The following USP7 variants were observed in gnomAD, a reference collection of about 807,000 sequenced individuals.
USP7 encodes ubiquitin C-terminal hydrolase 7.
USP7 carries 9 observed loss-of-function variants against 162.9 expected under a neutral mutation model. That is an observed-to-expected ratio of 0.06 (90% CI 0.03 to 0.10). The LOEUF is 0.10. USP7 is among the 10% of genes least tolerant of loss of function. The pLI, the probability that USP7 is intolerant of heterozygous loss-of-function variation, is 1.00. For missense variants in USP7, 715 were observed against 1,373.7 expected (o/e 0.52, Z 7.58); for synonymous variants, 562 against 475.9 (o/e 1.18, Z -2.35).
intron 30 of USP7, 124 bp downstream of exon 30, chr16:8,894,426 C>T: frequency 1.1e-6 from 1 of 888,680 alleles, no homozygotes; most frequent in Non-Finnish European, 1.7e-6. Flanking sequence ...CTCCTGGTTC[C>T]ACAGGTCGGC....
chr16:8,962,424 A>G (rs1427130109), intron 1 of USP7: 3 of 424,140 alleles, frequency 7.1e-6, no homozygotes, highest in African/African-American at 2.0e-5. Context: ...TCTATACCTC[A>G]AACTACAGTG....
chr16:8,955,719 A>AC (rs1567249495), intron 1 of USP7, among the ~76,000 whole-genome samples: 9 of 131,720 alleles, frequency 6.8e-5, no homozygotes, highest in African/African-American at 2.5e-4. Flanking sequence ...AAAAAAAAAA[A>AC]AAAAAAACAT....
At chr16:8,960,886 G>A (rs1195981149) in intron 1 of USP7, among the ~76,000 whole-genome samples, 2 of 152,114 alleles carry the variant, frequency 1.3e-5, no homozygotes, top group Non-Finnish European at 2.9e-5. Flanking sequence ...GTACTCACAG[G>A]GCACTATTAT....
intron 1 of USP7, among the ~76,000 whole-genome samples, chr16:8,938,666 G>C (rs1055876963): frequency 1.3e-5 from 2 of 150,386 alleles, no homozygotes; most frequent in African/African-American, 4.9e-5. Context: ...AGCGGAGATC[G>C]CACCACTGCA....
chr16:8,916,612 T>C (rs531315775), intron 7 of USP7, 56 bp from the exon 8 acceptor site: 280 of 1,530,380 alleles, frequency 1.8e-4, no homozygotes, highest in Non-Finnish European at 2.4e-4. Flanking sequence ...AATGAGCAAA[T>C]TAAAAGTAAC....
At chr16:8,941,242 T>C (rs1417155350) in intron 1 of USP7, among the ~76,000 whole-genome samples, 3 of 152,100 alleles carry the variant, frequency 2.0e-5, no homozygotes, top group African/African-American at 4.8e-5. Flanking sequence ...TTCCAGAACA[T>C]GAACCTAAGT....
intron 1 of USP7, among the ~76,000 whole-genome samples, chr16:8,952,612 C>T (rs1232101173): frequency 6.6e-6 from 1 of 152,094 alleles, no homozygotes; most frequent in Non-Finnish European, 1.5e-5. Context: ...CCACCTGGGG[C>T]ATGCAGGCCC....
intron 1 of USP7, among the ~76,000 whole-genome samples, chr16:8,947,796 C>G (rs979733954): frequency 1.3e-5 from 2 of 152,214 alleles, no homozygotes; most frequent in African/African-American, 2.4e-5. Context: ...GTGGGACTGC[C>G]TGATGGGTTT....
chr16:8,933,406 A>G (rs1898487957), intron 1 of USP7, among the ~76,000 whole-genome samples: 1 of 152,214 alleles, frequency 6.6e-6, no homozygotes, highest in Admixed American at 6.5e-5. Context: ...AAATTCAGGT[A>G]CCAAGCGATA....
intron 1 of USP7, among the ~76,000 whole-genome samples, chr16:8,941,821 A>G (rs550939923): frequency 6.6e-6 from 1 of 152,298 alleles, no homozygotes; most frequent in Admixed American, 6.5e-5. Flanking sequence ...TCTCTGACAG[A>G]TGGGCTGGGC....
rs113025474 is a variant in USP7 at position 8,923,756 on chromosome 16, C to T, written c.185-343G>A. ...GTGGAGAGACCTTGGAGAGAAGGAACGACATGGCTCATATCTGTTCAAGGA... is the reference window on the plus strand; with the variant it reads ...GTGGAGAGACCTTGGAGAGAAGGAATGACATGGCTCATATCTGTTCAAGGA... On this transcript the variant is annotated intron_variant, in intron 2 of 30. Transcript: ENST00000344836. Among the ~76,000 whole-genome samples, 253 of 152,262 alleles carry T rather than the reference C, an allele frequency of 1.7e-3. 1 individual carries two copies. Among genetic ancestry groups the T allele is most frequent in the African/African-American group, 4.8e-3 (200 of 41,562 alleles).
At chr16:8,955,768 T>TC (rs1473372551) in intron 1 of USP7, among the ~76,000 whole-genome samples, 1 of 151,354 alleles carries the variant, frequency 6.6e-6, no homozygotes, top group Non-Finnish European at 1.5e-5. Flanking sequence ...TATAATTTAT[T>TC]CCCCAAAGTC....
rs575192061 is a variant in USP7 at position 8,899,895 on chromosome 16, G to A, written c.2310-138C>T. The A allele has an allele frequency of 4.8e-5, 50 of 1,038,636 alleles. No homozygotes were observed. In the African/African-American group the frequency reaches 7.0e-4, roughly 15 times the overall value. 64.3% of individuals were successfully genotyped at this position (1,038,636 alleles called of 1,614,324 possible). A position where few individuals can be genotyped will look rare whatever the true frequency, so the allele number is the denominator to read the frequency against. On this transcript the variant is annotated intron_variant, in intron 21 of 30. Transcript: ENST00000344836. ...TAAATTCAGGTTCCCCTTTGAGGGGGCCAGGCATCTGCCTGAGCTCCCTCT... is the reference window on the plus strand; with the variant it reads ...TAAATTCAGGTTCCCCTTTGAGGGGACCAGGCATCTGCCTGAGCTCCCTCT...
Position 8,938,627 on chromosome 16 carries a change from G to A in USP7, c.80-8230C>T, listed in dbSNP as rs146663534. On this transcript the variant is annotated intron_variant, in intron 1 of 30. Transcript: ENST00000344836. ...CTCCGGAGGCTGAGGCAGGAGAATGGCATGAACCTGGGAAGCAGAGTTGCA... is the reference window on the plus strand; with the variant it reads ...CTCCGGAGGCTGAGGCAGGAGAATGACATGAACCTGGGAAGCAGAGTTGCA... Among the ~76,000 whole-genome samples, 698 of 151,878 alleles carry A rather than the reference G, an allele frequency of 4.6e-3. 9 individuals carry two copies. The highest frequency in any genetic ancestry group is 0.016 in the African/African-American group (648 of 41,348).
intron 29 of USP7, 24 bp from the exon 30 acceptor site, chr16:8,894,664 C>T (rs1281671127): frequency 1.9e-6 from 3 of 1,611,614 alleles, no homozygotes; most frequent in African/African-American, 1.3e-5. Flanking sequence ...AATTAAAACT[C>T]CTCCGTTATT....
chr16:8,895,213 T>C, intron 27 of USP7, 63 bp from the exon 28 acceptor site: 4 of 1,610,786 alleles, frequency 2.5e-6, no homozygotes, highest in Non-Finnish European at 3.4e-6. Flanking sequence ...AGTGTCCACA[T>C]CTCAATTCTC....
In USP7 at chr16:8,903,396, C is replaced by T. The variant is rs767573729; in HGVS notation, c.1711G>A (p.Ala571Thr). The change falls in exon 16 of 31, where the codon GCA (alanine) becomes ACA (threonine). Residue 571 changes from alanine (A) to threonine (T), a missense_variant. Ala to Thr is a moderately conservative substitution (Grantham distance 58, BLOSUM62 0). Around this residue, in one of 11 missense-constraint regions of USP7, gnomAD observed 197 missense variants for 306.5 expected, o/e 0.64. Coordinates refer to ENST00000344836, the MANE Select transcript of USP7 (RefSeq NM_003470.3). ...AHLYMQVQIV[A>T]EDQFCGHQGN... ...TGGTGGCCACAAAACTGGTCCTCTGCGACTATCTGAAAATATGTATGAAAG... is the reference window on the plus strand; with the variant it reads ...TGGTGGCCACAAAACTGGTCCTCTGTGACTATCTGAAAATATGTATGAAAG... 13 of 1,613,208 alleles carry T rather than the reference C, an allele frequency of 8.1e-6. No individual in the cohort carries two copies. Among genetic ancestry groups the T allele is most frequent in the African/African-American group, 6.7e-5 (5 of 74,874 alleles).
At chr16:8,901,373 T>C (rs1025234227) in intron 18 of USP7, 139 bp from the exon 19 acceptor site, 1 of 648,814 alleles carries the variant, frequency 1.5e-6, no homozygotes, top group African/African-American at 1.8e-5. Flanking sequence ...AATGACAGCT[T>C]AAGGTACCTA....
rs1343926478 is a variant in USP7 at position 8,915,319 on chromosome 16, T to C, written c.1013A>G (p.Asp338Gly). The change falls in exon 10 of 31, where the codon GAC (aspartate) becomes GGC (glycine). Residue 338 changes from aspartate to glycine, a missense_variant. Physicochemically the swap from Asp to Gly is moderately conservative, Grantham distance 94. Transcript: ENST00000344836. ...ATCTTCTCTTCTATCAGACCGATAGTCTACTTCTTTACACTGGATATAGGA... is the reference window on the plus strand; with the variant it reads ...ATCTTCTCTTCTATCAGACCGATAGCCTACTTCTTTACACTGGATATAGGA... Reference protein sequence around the residue: ...MVSYIQCKEVDYRSDRREDYY... With the variant: ...MVSYIQCKEVGYRSDRREDYY... 6.2e-7 allele frequency: 1 copy of C among 1,613,204 alleles called. No individual in the cohort carries two copies. Among genetic ancestry groups the C allele is most frequent in the Non-Finnish European group, 8.5e-7 (1 of 1,179,798 alleles).
Sources: gnomAD v4.1 joint callset for allele counts (sites outside exome capture counted in the v4.1 genomes callset) on GRCh38, gnomAD v4.1.1 for gene constraint, gnomAD v4.1.1 regional missense constraint, MANE v1.5 for transcripts, NCBI Gene and HGNC (gene_info 2026-07-23, HGNC 2026-07-21) for gene names.